Variants in FLCN observed in about 807,000 individuals in gnomAD.
FLCN encodes the protein folliculin.
A neutral mutation model predicts 62.5 loss-of-function variants in FLCN; 22 were observed. The ratio of observed to expected loss-of-function variants is 0.35; its 90% CI spans 0.25 to 0.50. The LOEUF is 0.50. Ranked by LOEUF, FLCN falls within the 20% of genes least tolerant of loss-of-function variation. The pLI is 0.97. For synonymous variants in FLCN, 319 were observed against 310.0 expected (o/e 1.03, Z -0.30); for missense variants, 657 against 778.0 (o/e 0.84, Z 1.85).
chr17:17,216,858 T>A lies in FLCN; in HGVS notation c.1176+211A>T, dbSNP rs766204825. 8 of 637,260 alleles carry A rather than the reference T, an allele frequency of 1.3e-5. No individual in the cohort carries two copies. The highest frequency in any genetic ancestry group is 1.8e-5 in the African/African-American group (1 of 55,466). The allele number at this position is 637,260 out of a possible 1,614,324, so 39.5% of individuals were successfully genotyped here. On this transcript the variant is annotated intron_variant, in intron 10 of 13. Transcript: ENST00000285071. The surrounding 1 kb of genome is among the most constrained non-coding windows in gnomAD (Gnocchi z 4.0). ...ATGCATTTTTGTTCCCTCTCAGGCC[T>A]GGGCAGTCAGCAGGCACACGCATCC...
intron 4 of FLCN, among the ~76,000 whole-genome samples, chr17:17,226,568 T>C (rs2047255688): frequency 6.6e-6 from 1 of 152,126 alleles, no homozygotes; most frequent in Non-Finnish European, 1.5e-5. Context: ...GTAGGTAACA[T>C]GAAAAGGGCC....
chr17:17,225,061 T>C (rs906825681), intron 5 of FLCN: 1 of 152,184 alleles, frequency 6.6e-6, no homozygotes, highest in Non-Finnish European at 1.5e-5. Context: ...CAAGGAAGTT[T>C]AGTAACTGAA....
chr17:17,225,702 C>T, intron 5 of FLCN: 1 of 240,010 alleles, frequency 4.2e-6, no homozygotes, highest in Non-Finnish European at 8.5e-6. Context: ...CCGAGTGAGA[C>T]TCTGTCTTAA....
At chr17:17,231,468 G>A (rs1430268684) in intron 3 of FLCN, 1 of 151,814 alleles carries the variant, frequency 6.6e-6, no homozygotes, top group East Asian at 2.0e-4. Context: ...TTCAATAAAG[G>A]GCCCAAGTCA....
At chr17:17,221,110 G>T in intron 8 of FLCN, 1 of 1,331,600 alleles carries the variant, frequency 7.5e-7, no homozygotes, top group Admixed American at 3.0e-5. Context: ...GGAACCTGGG[G>T]AAGCCCAGGC....
At position 17,226,261 on chromosome 17, in the gene FLCN, A is replaced by G. The variant is rs764679174; in HGVS notation, c.311T>C (p.Ile104Thr). The G allele has an allele frequency of 2.5e-6, 4 of 1,614,176 alleles. No individual in the cohort carries two copies. The highest frequency in any genetic ancestry group is 3.3e-5 in the Admixed American group (2 of 60,018). ...GYISHDKETS[I>T]KYVSHQHPSH... ...GGGGTGCTGGTGGCTGACGTATTTAATGGAGGTCTCTTTATCATGGCTGAT... is the reference window on the plus strand; with the variant it reads ...GGGGTGCTGGTGGCTGACGTATTTAGTGGAGGTCTCTTTATCATGGCTGAT... Residue 104 changes from isoleucine (I) to threonine (T), a missense_variant, in exon 5 of 14, where the codon ATT (isoleucine) becomes ACT (threonine). Coordinates refer to ENST00000285071, the MANE Select transcript of FLCN (RefSeq NM_144997.7).
chr17:17,225,751 C>G, intron 5 of FLCN: 1 of 307,888 alleles, frequency 3.2e-6, no homozygotes, highest in Non-Finnish European at 6.5e-6. Flanking sequence ...CATGGTGGCA[C>G]ACACCAGTGG....
intron 13 of FLCN, among the ~76,000 whole-genome samples, chr17:17,214,124 C>T (rs1467577225): frequency 1.3e-5 from 2 of 150,348 alleles, no homozygotes; most frequent in African/African-American, 5.0e-5. Flanking sequence ...CTCCCTCAAG[C>T]TGTTGTCAAG....
chr17:17,214,393 A>G (rs1342777377), intron 13 of FLCN, among the ~76,000 whole-genome samples: 1 of 152,090 alleles, frequency 6.6e-6, no homozygotes, highest in African/African-American at 2.4e-5. Context: ...CAGGAGTTCA[A>G]GACCAGCCTG....
Position 17,213,568 on chromosome 17 carries a change from TG to T in FLCN, c.*86del. Reference sequence around the variant, plus strand: ...CTGGGACACAGCTCCTTCCAGCAGTTGAGAAACTCAAGGGACAGTCCCTCTC... The same window carrying T: ...CTGGGACACAGCTCCTTCCAGCAGTTAGAAACTCAAGGGACAGTCCCTCTC... On this transcript the variant is annotated 3_prime_UTR_variant, in exon 14 of 14. Transcript: ENST00000285071. The T allele has an allele frequency of 6.4e-7, 1 of 1,564,534 alleles. No individual in the cohort carries two copies. The highest frequency in any genetic ancestry group is 1.1e-5 in the South Asian group (1 of 89,470).
intron 2 of FLCN, 48 bp from the exon 3 acceptor site, chr17:17,231,930 T>C (rs1466768152): frequency 6.5e-6 from 1 of 153,324 alleles, no homozygotes; most frequent in Non-Finnish European, 1.5e-5. Flanking sequence ...AAGAGAACCT[T>C]AGCTGGGCTG....
At position 17,217,199 on chromosome 17, in the gene FLCN, A is replaced by G. The variant is rs1303252482; in HGVS notation, c.1063-17T>C. On this transcript the variant is annotated splice_polypyrimidine_tract_variant and intron_variant, in intron 9 of 13. Coordinates refer to ENST00000285071, the MANE Select transcript of FLCN (RefSeq NM_144997.7). ...ACCCAGGACCTAAACAAGAGAGTGC[A>G]GTGCTTTCAGCGTGACTAGTAGAAA... 1.3e-6 allele frequency: 2 copies of G among 1,535,344 alleles called. No individual in the cohort carries two copies. Among genetic ancestry groups the G allele is most frequent in the Non-Finnish European group, 9.0e-7 (1 of 1,108,456 alleles).
At chr17:17,235,020 G>A (rs369223545) in intron 1 of FLCN, among the ~76,000 whole-genome samples, 2 of 151,890 alleles carry the variant, frequency 1.3e-5, no homozygotes, top group African/African-American at 2.4e-5. Flanking sequence ...GCCGAGGGAG[G>A]AGAATGGCGT....
rs1442858056 is a variant in FLCN, at chr17:17,234,208, T to TTTG, written c.-227-1308_-227-1307insCAA. Among the ~76,000 whole-genome samples, 11 of 145,288 alleles carry TTTG rather than the reference T, an allele frequency of 7.6e-5. 1 individual carries two copies. The highest frequency in any genetic ancestry group is 1.5e-4 in the Non-Finnish European group (10 of 66,810). On this transcript the variant is annotated intron_variant, in intron 1 of 13. Transcript: ENST00000285071. ...AACATGGGCTACACTGTTTTGTTTTTTTTTGGTTTGTTTTTTTTTTTGCGG... is the reference window on the plus strand; with the variant it reads ...AACATGGGCTACACTGTTTTGTTTTTTTGTTTTGGTTTGTTTTTTTTTTTGCGG...
intron 6 of FLCN, 116 bp from the exon 7 acceptor site, chr17:17,222,777 C>A (rs879454143): frequency 1.1e-5 from 14 of 1,221,624 alleles, no homozygotes; most frequent in Non-Finnish European, 1.5e-5. Context: ...TCCCACTATA[C>A]TCTCTCCATG....
Position 17,216,985 on chromosome 17 carries a change from G to A in FLCN, c.1176+84C>T, listed in dbSNP as rs964088393. 8 of 996,872 alleles carry A rather than the reference G, an allele frequency of 8.0e-6. No individual in the cohort carries two copies. Among genetic ancestry groups the A allele is most frequent in the Non-Finnish European group, 1.3e-5 (8 of 628,452 alleles). The allele number at this position is 996,872 out of a possible 1,614,324, so 61.8% of individuals were successfully genotyped here. A position where few individuals can be genotyped will look rare whatever the true frequency, so the allele number is the denominator to read the frequency against. On this transcript the variant is annotated intron_variant, in intron 10 of 13. Coordinates refer to ENST00000285071, the MANE Select transcript of FLCN (RefSeq NM_144997.7). This position sits in a 1 kb window ranked among gnomAD's most constrained non-coding sequence, Gnocchi z 4.0. The stretch of plus-strand genomic sequence containing the variant: ...CACAGCGGTTCTGTGCTGGGCAGTC[G>A]GTGCACCTTGGCATCCCCACCTGAC...
Position 17,221,634 on chromosome 17 carries a change from G to C in FLCN, c.780-6C>G. 1 of 1,606,550 alleles carries C rather than the reference G, an allele frequency of 6.2e-7. No individual in the cohort carries two copies. Among genetic ancestry groups the C allele is most frequent in the South Asian group, 1.1e-5 (1 of 91,040 alleles). ...TGCCACACGCCTTCAGGAGCCTGGAGAACACAGCACCAGCTATGAGCGTTC... is the reference window on the plus strand; with the variant it reads ...TGCCACACGCCTTCAGGAGCCTGGACAACACAGCACCAGCTATGAGCGTTC... On this transcript the variant is annotated splice_region_variant and splice_polypyrimidine_tract_variant and intron_variant, in intron 7 of 13. Transcript: ENST00000285071.
chr17:17,227,872 A>G lies in FLCN; in HGVS notation c.249+17T>C, dbSNP rs2145037575. 6.2e-7 allele frequency: 1 copy of G among 1,613,742 alleles called. No individual in the cohort carries two copies. The highest frequency in any genetic ancestry group is 8.5e-7 in the Non-Finnish European group (1 of 1,179,946). ...CTACTGCAGGGATCACAAAACCAAGACCCCAAAGACACTTGCCTCGCACAT... is the reference window on the plus strand; with the variant it reads ...CTACTGCAGGGATCACAAAACCAAGGCCCCAAAGACACTTGCCTCGCACAT... On this transcript the variant is annotated intron_variant, in intron 4 of 13. Coordinates refer to ENST00000285071, the MANE Select transcript of FLCN (RefSeq NM_144997.7).
At chr17:17,220,921 C>T (rs2047066018) in intron 8 of FLCN, 1 of 275,126 alleles carries the variant, frequency 3.6e-6, no homozygotes, top group East Asian at 7.2e-5. Context: ...CATTTGCAAG[C>T]AGAAGCATGG....
Sources: allele counts gnomAD v4.1 joint callset (sites outside exome capture counted in the v4.1 genomes callset), GRCh38; gene constraint gnomAD v4.1.1; non-coding constraint Gnocchi (gnomAD v3.1); transcripts MANE v1.5; gene names NCBI Gene and HGNC (gene_info 2026-07-23, HGNC 2026-07-21).